Variants in BRWD3 observed in about 807,000 individuals in gnomAD.
BRWD3 encodes bromodomain and WD repeat domain containing 3, also known as bromodomain and WD repeat-containing protein 3.
In BRWD3, 10 loss-of-function variants were observed where a neutral mutation model predicts 149.7. The ratio of observed to expected loss-of-function variants is 0.07; its 90% CI spans 0.04 to 0.11. The LOEUF is 0.11. Ranked by LOEUF, BRWD3 falls within the 10% of genes least tolerant of loss-of-function variation. The probability of loss-of-function intolerance (pLI) is 1.00; values close to 1 mark genes in which losing one functional copy is unlikely to be tolerated. For missense variants in BRWD3, 940 were observed against 1,373.2 expected (o/e 0.68, Z 4.99); for synonymous variants, 504 against 456.7 (o/e 1.10, Z -1.32).
chrX:80,691,945 G>A lies in BRWD3; in HGVS notation c.3359C>T (p.Pro1120Leu), dbSNP rs1064796188. 5.8e-6 allele frequency: 7 copies of A among 1,207,889 alleles called. No individual in the cohort carries two copies. Among genetic ancestry groups the A allele is most frequent in the Non-Finnish European group, 7.8e-6 (7 of 894,202 alleles). ...AFPDEVGAGVPVSQEELTALL... is the reference protein window; with the variant it reads ...AFPDEVGAGVLVSQEELTALL... ...AGCAGTCAATTCTTCCTGGGAGACA[G>A]GAACACCAGCACCAACTTCATCTGG... is the stretch of plus-strand genomic sequence containing the variant. The change falls in exon 30 of 41, where the codon CCT becomes CTT. Residue 1120 changes from proline to leucine, a missense_variant. By Grantham distance (98) the Pro-to-Leu change is moderately conservative. Around this residue, in one of 6 missense-constraint regions of BRWD3, gnomAD observed 158 missense variants for 284.0 expected, o/e 0.56. Coordinates refer to ENST00000373275, the MANE Select transcript of BRWD3 (RefSeq NM_153252.5).
chrX:80,710,159 A>AG (rs2147728092), intron 20 of BRWD3: 1 of 519,269 alleles, frequency 1.9e-6, no homozygotes, highest in East Asian at 3.7e-5. Context: ...TGATGATGGT[A>AG]AACTGTTACG....
At chrX:80,728,693 G>T in intron 14 of BRWD3, 59 bp downstream of exon 14, 1 of 1,025,996 alleles carries the variant, frequency 9.7e-7, no homozygotes, top group Non-Finnish European at 1.3e-6. Context: ...TAAATTTCCT[G>T]TGTCTTAAAA....
At chrX:80,808,270 G>A (rs2147875025) in intron 4 of BRWD3, among the ~76,000 whole-genome samples, 1 of 109,465 alleles carries the variant, frequency 9.1e-6, no homozygotes, top group East Asian at 2.9e-4. Context: ...CTTCCCCAAT[G>A]TTTGTAACAT....
At chrX:80,776,505 A>T (rs1329372437) in intron 6 of BRWD3, among the ~76,000 whole-genome samples, 1 of 112,072 alleles carries the variant, frequency 8.9e-6, no homozygotes, top group Non-Finnish European at 1.9e-5. Context: ...TTATAAGACT[A>T]CATGTTAAAG....
At chrX:80,705,127 G>A (rs1215934659) in intron 22 of BRWD3, among the ~76,000 whole-genome samples, 2 of 110,721 alleles carry the variant, frequency 1.8e-5, no homozygotes, top group Non-Finnish European at 3.8e-5. Flanking sequence ...TTAGCCGGGT[G>A]TGATGGCACA....
chrX:80,786,075 T>C (rs947987650), intron 6 of BRWD3, among the ~76,000 whole-genome samples: 17 of 112,067 alleles, frequency 1.5e-4, no homozygotes, highest in Admixed American at 1.9e-4. Context: ...GTAAATTAAC[T>C]ATCAAATTAT....
At chrX:80,786,220 A>G (rs1360021355) in intron 6 of BRWD3, among the ~76,000 whole-genome samples, 1 of 111,504 alleles carries the variant, frequency 9.0e-6, no homozygotes, top group Admixed American at 9.6e-5. Context: ...TTAATTTCTC[A>G]GTTGCAATCA....
chrX:80,742,713 T>C (rs901311676), intron 8 of BRWD3, among the ~76,000 whole-genome samples: 1 of 111,180 alleles, frequency 9.0e-6, no homozygotes, highest in African/African-American at 3.3e-5. Context: ...GTTATTGGTG[T>C]ATAGGAATGC....
chrX:80,691,235 A>G (rs983283085), intron 30 of BRWD3, 62 bp from the exon 31 acceptor site: 2 of 1,110,440 alleles, frequency 1.8e-6, no homozygotes, highest in African/African-American at 3.7e-5. Flanking sequence ...CATGGTAACA[A>G]ACATTTATTC....
At chrX:80,712,786 C>G (rs1359864040) in intron 20 of BRWD3, among the ~76,000 whole-genome samples, 1 of 109,288 alleles carries the variant, frequency 9.2e-6, no homozygotes, top group African/African-American at 3.3e-5. Flanking sequence ...TGAGGAGCAT[C>G]TCTGCCCGGC....
At chrX:80,710,419 C>A in intron 20 of BRWD3, 1 of 336,751 alleles carries the variant, frequency 3.0e-6, no homozygotes, top group South Asian at 3.4e-5. Context: ...TCAGTCAGCT[C>A]GTACTTACTT....
chrX:80,689,871 C>T, intron 32 of BRWD3, 25 bp from the exon 33 acceptor site: 1 of 1,174,888 alleles, frequency 8.5e-7, no homozygotes, highest in Non-Finnish European at 1.2e-6. Flanking sequence ...ATTTCAAAAG[C>T]TTCAGTAATT....
intron 25 of BRWD3, among the ~76,000 whole-genome samples, chrX:80,699,259 A>G (rs1437562578): frequency 9.0e-6 from 1 of 110,886 alleles, no homozygotes; most frequent in Non-Finnish European, 1.9e-5. Flanking sequence ...ATTCTCTCTT[A>G]TATCCTTCCT....
intron 6 of BRWD3, among the ~76,000 whole-genome samples, chrX:80,766,045 GC>G (rs1283119869): frequency 1.8e-5 from 2 of 112,015 alleles, no homozygotes; most frequent in Non-Finnish European, 3.8e-5. Context: ...CAAACATTTG[GC>G]TAACCATTAT....
At chrX:80,686,825 T>C in intron 35 of BRWD3, 38 bp downstream of exon 35, 1 of 1,196,940 alleles carries the variant, frequency 8.4e-7, no homozygotes, top group Non-Finnish European at 1.1e-6. Context: ...TATGGGAAAT[T>C]ATCATACTGA....
chrX:80,778,284 T>C (rs1456546967), intron 6 of BRWD3, among the ~76,000 whole-genome samples: 1 of 111,831 alleles, frequency 8.9e-6, no homozygotes, highest in Non-Finnish European at 1.9e-5. Flanking sequence ...TGTTCAAATA[T>C]GATGCTTACA....
At chrX:80,753,377 C>T (rs1484166841) in intron 6 of BRWD3, among the ~76,000 whole-genome samples, 3 of 108,743 alleles carry the variant, frequency 2.8e-5, no homozygotes, top group Non-Finnish European at 5.7e-5. Context: ...TCAAGCAATC[C>T]TCCTGCCTCA....
intron 4 of BRWD3, among the ~76,000 whole-genome samples, chrX:80,796,956 T>C (rs1224202859): frequency 9.0e-6 from 1 of 111,156 alleles, no homozygotes; most frequent in East Asian, 2.8e-4. Context: ...GGAGGGTTGC[T>C]TGAAGCTAGG....
intron 6 of BRWD3, among the ~76,000 whole-genome samples, chrX:80,763,738 A>G (rs1032351769): frequency 1.8e-5 from 2 of 112,142 alleles, no homozygotes; most frequent in African/African-American, 6.5e-5. Flanking sequence ...ATCAAAGACC[A>G]CAATAAATGG....
Sources: gnomAD v4.1 joint callset for allele counts (sites outside exome capture counted in the v4.1 genomes callset) on GRCh38, gnomAD v4.1.1 for gene constraint, gnomAD v4.1.1 regional missense constraint, MANE v1.5 for transcripts, NCBI Gene and HGNC (gene_info 2026-07-23, HGNC 2026-07-21) for gene names.